Variants in CSMD1 observed in about 807,000 individuals in gnomAD.
The protein encoded by CSMD1 is CUB and sushi domain-containing protein 1.
CSMD1 carries 213 observed loss-of-function variants against 417.5 expected under a neutral mutation model. The observed-to-expected ratio is 0.51, with a 90% CI of 0.46 to 0.57. The LOEUF (loss-of-function observed/expected upper bound fraction) is 0.57, where lower values mean the gene tolerates loss of function less well. CSMD1 is among the 20% of genes least tolerant of loss of function. The pLI, the probability that CSMD1 is intolerant of heterozygous loss-of-function variation, is 0.00. For synonymous variants in CSMD1, 2,862 were observed against 1,736.8 expected (o/e 1.65, Z -16.11); for missense variants, 6,923 against 4,529.7 (o/e 1.53, Z -15.17).
chr8:4,325,857 C>G (rs917307122), intron 3 of CSMD1, among the ~76,000 whole-genome samples: 1 of 152,102 alleles, frequency 6.6e-6, no homozygotes, highest in Non-Finnish European at 1.5e-5. Flanking sequence ...CACCTGATGG[C>G]TGGAATTGAG....
intron 2 of CSMD1, among the ~76,000 whole-genome samples, chr8:4,548,148 A>AAC (rs141373157): frequency 0.019 from 2,856 of 152,220 alleles, 98 homozygotes; most frequent in African/African-American, 0.066. Flanking sequence ...ATGGTACCGA[A>AAC]TGTCTAGGAT....
At chr8:3,300,069 C>T (rs986780331) in intron 25 of CSMD1, among the ~76,000 whole-genome samples, 1 of 152,082 alleles carries the variant, frequency 6.6e-6, no homozygotes, top group Non-Finnish European at 1.5e-5. Context: ...CCTGAATATT[C>T]CAAAAGGGTG....
intron 1 of CSMD1, among the ~76,000 whole-genome samples, chr8:4,667,333 C>A (rs935845041): frequency 2.0e-5 from 3 of 151,892 alleles, no homozygotes; most frequent in Admixed American, 6.5e-5. Flanking sequence ...CTTGGCCATT[C>A]TAGATTCTCT....
At chr8:3,474,329 C>T (rs960702865) in intron 11 of CSMD1, among the ~76,000 whole-genome samples, 3 of 151,806 alleles carry the variant, frequency 2.0e-5, no homozygotes, top group African/African-American at 7.3e-5. Flanking sequence ...TAGCAAAGTG[C>T]TCAGGGAGCT....
chr8:4,743,471 G>A (rs1045162936), intron 1 of CSMD1, among the ~76,000 whole-genome samples: 1 of 152,100 alleles, frequency 6.6e-6, no homozygotes, highest in East Asian at 1.9e-4. Flanking sequence ...CTCACGGGCC[G>A]GTCAGAAACA....
chr8:3,310,420 C>G (rs1488325118), intron 23 of CSMD1, among the ~76,000 whole-genome samples: 2 of 152,158 alleles, frequency 1.3e-5, no homozygotes, highest in African/African-American at 2.4e-5. Flanking sequence ...GGGATGACCA[C>G]CAGCAAACTA....
intron 12 of CSMD1, among the ~76,000 whole-genome samples, chr8:3,410,735 T>A (rs1812641468): frequency 6.6e-6 from 1 of 152,064 alleles, no homozygotes; most frequent in Non-Finnish European, 1.5e-5. Flanking sequence ...GGAGGAAAAT[T>A]TTTTAAAATT....
chr8:4,947,932 C>T (rs1052849529), intron 1 of CSMD1, among the ~76,000 whole-genome samples: 2 of 151,890 alleles, frequency 1.3e-5, no homozygotes, highest in Non-Finnish European at 2.9e-5. Flanking sequence ...TTCTTGGGTG[C>T]TTTGTGCGTT....
intron 3 of CSMD1, among the ~76,000 whole-genome samples, chr8:4,411,308 G>C (rs958900012): frequency 1.3e-5 from 2 of 151,658 alleles, no homozygotes; most frequent in Non-Finnish European, 2.9e-5. Flanking sequence ...ATTCCTTTTA[G>C]ACAAGTAACT....
chr8:4,351,670 T>C (rs1253696417), intron 3 of CSMD1, among the ~76,000 whole-genome samples: 1 of 152,154 alleles, frequency 6.6e-6, no homozygotes, highest in Non-Finnish European at 1.5e-5. Flanking sequence ...AGGCAAGATG[T>C]CTTCCAAGAG....
intron 3 of CSMD1, among the ~76,000 whole-genome samples, chr8:4,122,610 G>C (rs1166564516): frequency 1.3e-5 from 2 of 152,168 alleles, no homozygotes; most frequent in Non-Finnish European, 2.9e-5. Context: ...CTCTTCTGCA[G>C]AGATGGAGGT....
intron 2 of CSMD1, among the ~76,000 whole-genome samples, chr8:4,562,505 T>G (rs1204293105): frequency 1.3e-5 from 2 of 152,142 alleles, no homozygotes; most frequent in Non-Finnish European, 2.9e-5. Context: ...AAAACAAACC[T>G]GGAGTCAGTA....
intron 2 of CSMD1, among the ~76,000 whole-genome samples, chr8:4,596,005 G>T (rs1343419351): frequency 6.6e-6 from 1 of 152,022 alleles, no homozygotes; most frequent in African/African-American, 2.4e-5. Flanking sequence ...CCCATAACCA[G>T]ATCCACCACT....
chr8:4,645,491 G>GATCAAACAA (rs1451440577), intron 1 of CSMD1, among the ~76,000 whole-genome samples: 1 of 145,928 alleles, frequency 6.9e-6, no homozygotes, highest in Admixed American at 7.1e-5. Flanking sequence ...CTGGGCTTCG[G>GATCAAACAA]ATCAAACAAA....
At chr8:4,300,789 G>GT (rs1797942942) in intron 3 of CSMD1, among the ~76,000 whole-genome samples, 1 of 152,086 alleles carries the variant, frequency 6.6e-6, no homozygotes, top group Admixed American at 6.6e-5. Context: ...GCAGTGTTTG[G>GT]TTTTTTGTCC....
In CSMD1 at chr8:4,230,257, G is replaced by A. The variant is rs77141985; in HGVS notation, c.415+189696C>T. 8.0e-3 allele frequency among the ~76,000 whole-genome samples: 1,213 copies of A among 152,098 alleles called. 10 individuals carry two copies. Among genetic ancestry groups the A allele is most frequent in the African/African-American group, 0.027 (1,100 of 41,500 alleles). On this transcript the variant is annotated intron_variant, in intron 3 of 69. Coordinates refer to ENST00000635120, the MANE Select transcript of CSMD1 (RefSeq NM_033225.6). ...TGTTGCTCTACAATAGATTTATATC[G>A]TTGAGTATCTTATATTCTAGATTTA...
chr8:3,505,025 A>G (rs1796765394), intron 10 of CSMD1, among the ~76,000 whole-genome samples: 1 of 152,178 alleles, frequency 6.6e-6, no homozygotes, highest in African/African-American at 2.4e-5. Flanking sequence ...TAAAAAAAAA[A>G]AAAGTTTTGC....
chr8:3,828,911 C>G (rs984392669), intron 5 of CSMD1, among the ~76,000 whole-genome samples: 13 of 152,190 alleles, frequency 8.5e-5, no homozygotes, highest in African/African-American at 3.1e-4. Context: ...TGGCCTTCAG[C>G]TCACCCATTA....
chr8:3,855,919 C>G (rs565891793), intron 5 of CSMD1, among the ~76,000 whole-genome samples: 1 of 152,084 alleles, frequency 6.6e-6, no homozygotes, highest in Admixed American at 6.6e-5. Flanking sequence ...CAAATCTGTA[C>G]GGGTGAGATA....
Sources: allele counts gnomAD v4.1 joint callset (sites outside exome capture counted in the v4.1 genomes callset), GRCh38; gene constraint gnomAD v4.1.1; transcripts MANE v1.5; gene names NCBI Gene and HGNC (gene_info 2026-07-23, HGNC 2026-07-21).